GSE1: variants seen among roughly 807,000 people sequenced by gnomAD.
The protein encoded by GSE1 is genetic suppressor element 1.
A neutral mutation model predicts 112.6 loss-of-function variants in GSE1; 32 were observed. That is an observed-to-expected ratio of 0.28 (90% confidence interval 0.21 to 0.38). The LOEUF is 0.38. Among genes scored for constraint, GSE1 ranks in the 10% least tolerant of loss-of-function variants. The pLI, the probability that GSE1 is intolerant of heterozygous loss-of-function variation, is 1.00. For synonymous variants in GSE1, 1,115 were observed against 735.6 expected (o/e 1.52, Z -8.35); for missense variants, 2,348 against 1,699.2 (o/e 1.38, Z -6.71).
intron 1 of GSE1, among the ~76,000 whole-genome samples, chr16:85,319,189 A>T (rs1567685181): frequency 6.6e-6 from 1 of 152,212 alleles, no homozygotes; most frequent in Non-Finnish European, 1.5e-5. Context: ...AGGGTCTCAG[A>T]GCCAATGAAA....
intron 2 of GSE1, among the ~76,000 whole-genome samples, chr16:85,489,529 C>T (rs1404890981): frequency 6.6e-6 from 1 of 152,084 alleles, no homozygotes; most frequent in Non-Finnish European, 1.5e-5. Context: ...CCCAGACACA[C>T]AGCCAGTGCC....
chr16:85,665,920 C>T (rs1434124485), intron 12 of GSE1, 56 bp from the exon 13 acceptor site: 17 of 1,552,714 alleles, frequency 1.1e-5, no homozygotes, highest in East Asian at 9.0e-5. Flanking sequence ...GCGTGCTGGA[C>T]ACTCAGCCTG....
intron 1 of GSE1, among the ~76,000 whole-genome samples, chr16:85,341,088 T>C (rs1421354997): frequency 6.6e-6 from 1 of 152,248 alleles, no homozygotes; most frequent in African/African-American, 2.4e-5. Context: ...ATTATACTTA[T>C]TATTCTTCCA....
chr16:85,581,995 G>A (rs1379342889), intron 1 of GSE1: 1 of 152,220 alleles, frequency 6.6e-6, no homozygotes, highest in African/African-American at 2.4e-5. Flanking sequence ...CAGTCAGATT[G>A]AAGAGACAGA....
chr16:85,648,136 A>G (rs979857858), intron 2 of GSE1, among the ~76,000 whole-genome samples: 2 of 151,676 alleles, frequency 1.3e-5, no homozygotes, highest in African/African-American at 4.8e-5. Flanking sequence ...GACACCTCCT[A>G]GAAACACGTG....
chr16:85,278,610 C>T (rs985687512), intron 1 of GSE1, among the ~76,000 whole-genome samples: 22 of 152,162 alleles, frequency 1.4e-4, no homozygotes, highest in Admixed American at 1.4e-3. Flanking sequence ...AGTTAAAAAT[C>T]CCAAACCAAT....
chr16:85,518,966 G>A (rs1598040840), intron 2 of GSE1, among the ~76,000 whole-genome samples: 1 of 152,210 alleles, frequency 6.6e-6, no homozygotes, highest in East Asian at 1.9e-4. Flanking sequence ...GGACCACATG[G>A]TGTTGAGAAG....
At chr16:85,338,327 C>T (rs893908571) in intron 1 of GSE1, among the ~76,000 whole-genome samples, 2 of 152,234 alleles carry the variant, frequency 1.3e-5, no homozygotes, top group East Asian at 3.8e-4. Context: ...CCTGAGTGCC[C>T]TCCTAACCTT....
Position 85,399,000 on chromosome 16 carries a change from T to C in GSE1, c.2464+41357T>C, listed in dbSNP as rs2048030225. Among the ~76,000 whole-genome samples, 8 of 152,304 alleles carry C rather than the reference T, an allele frequency of 5.3e-5. No individual in the cohort carries two copies. In the South Asian group the frequency reaches 1.4e-3, roughly 28 times the overall value. On this transcript the variant is annotated intron_variant, in intron 2 of 2. Coordinates refer to the GSE1 transcript ENST00000637419. ...AGCATGTGCATATGTGTGTACATTG[T>C]GTAAGTACTTGTGTGTGGTTGGCAG...
intron 2 of GSE1, among the ~76,000 whole-genome samples, chr16:85,637,712 T>C (rs1451759845): frequency 2.0e-5 from 3 of 151,500 alleles, no homozygotes; most frequent in Non-Finnish European, 4.4e-5. Flanking sequence ...TGAGACTCCA[T>C]AGACCCCTGC....
chr16:85,247,256 C>A (rs564185765), intron 1 of GSE1, among the ~76,000 whole-genome samples: 1 of 152,166 alleles, frequency 6.6e-6, no homozygotes, highest in South Asian at 2.1e-4. Context: ...CTGTCCCCAG[C>A]ACCTAGAAAA....
intron 1 of GSE1, among the ~76,000 whole-genome samples, chr16:85,186,371 G>T (rs537860325): frequency 6.6e-6 from 1 of 152,094 alleles, no homozygotes; most frequent in African/African-American, 2.4e-5. Context: ...TTACGAGGCC[G>T]AGGCAGGTGG....
At chr16:85,663,648 C>G (rs373816323) in intron 11 of GSE1, 34 bp downstream of exon 11, 2 of 1,586,698 alleles carry the variant, frequency 1.3e-6, no homozygotes, top group South Asian at 1.1e-5. Context: ...GGTGGGGGCT[C>G]ACTGGGGTGG....
rs1598741217 is a variant in GSE1 at position 85,673,121 on chromosome 16, C to T, written c.*582C>T. 6.6e-6 allele frequency: 1 copy of T among 152,258 alleles called. No individual in the cohort carries two copies. Among genetic ancestry groups the T allele is most frequent in the Admixed American group, 6.5e-5 (1 of 15,274 alleles). 9.4% of individuals were successfully genotyped at this position (152,258 alleles called of 1,614,324 possible). A position where few individuals can be genotyped will look rare whatever the true frequency, so the allele number is the denominator to read the frequency against. ...AGGAGCACACAAAGCAACCCAAAGG[C>T]TTTTCCCTGGAAAAGCTCTTTCTTA... On this transcript the variant is annotated 3_prime_UTR_variant, in exon 16 of 16. Coordinates refer to ENST00000253458, the MANE Select transcript of GSE1 (RefSeq NM_014615.5).
chr16:85,502,658 G>C (rs1292726214), intron 2 of GSE1, among the ~76,000 whole-genome samples: 1 of 152,210 alleles, frequency 6.6e-6, no homozygotes, highest in Non-Finnish European at 1.5e-5. Flanking sequence ...GCTGGAGAAG[G>C]AACCCTACAG....
At chr16:85,300,426 T>C (rs1385228657) in intron 1 of GSE1, among the ~76,000 whole-genome samples, 1 of 152,254 alleles carries the variant, frequency 6.6e-6, no homozygotes, top group Non-Finnish European at 1.5e-5. Context: ...ACAGAAATTC[T>C]GTACCCATTC....
chr16:85,287,961 C>T (rs947940800), intron 1 of GSE1, among the ~76,000 whole-genome samples: 10 of 152,182 alleles, frequency 6.6e-5, no homozygotes, highest in South Asian at 2.1e-4. Flanking sequence ...CGCTATTGGC[C>T]GGGCACGGTG....
intron 2 of GSE1, chr16:85,463,036 G>GC (rs1283933395): frequency 2.1e-6 from 2 of 950,358 alleles, no homozygotes; most frequent in Non-Finnish European, 2.5e-6. Context: ...ATGCTGGGCA[G>GC]CCCCTCCTAG....
intron 1 of GSE1, among the ~76,000 whole-genome samples, chr16:85,190,760 T>C (rs1454695285): frequency 1.3e-5 from 2 of 152,208 alleles, no homozygotes. Flanking sequence ...ACATTAGCAA[T>C]TTGAGGGGCC....
Sources: gnomAD v4.1 joint callset for allele counts (sites outside exome capture counted in the v4.1 genomes callset) on GRCh38, gnomAD v4.1.1 for gene constraint, MANE v1.5 for transcripts, NCBI Gene and HGNC (gene_info 2026-07-23, HGNC 2026-07-21) for gene names.